Variants in WAPL observed in about 807,000 individuals in gnomAD.
The protein encoded by WAPL is WAPL cohesin release factor, also known as wings apart-like protein homolog.
A neutral mutation model predicts 121.0 loss-of-function variants in WAPL; 5 were observed. The observed-to-expected ratio is 0.04, with a 90% CI of 0.02 to 0.09. The LOEUF (loss-of-function observed/expected upper bound fraction) is 0.09, where lower values mean the gene tolerates loss of function less well. Ranked by LOEUF, WAPL falls within the 10% of genes least tolerant of loss-of-function variation. The pLI is 1.00. For synonymous variants in WAPL, 480 were observed against 481.5 expected, an observed-to-expected ratio of 1.00 and a Z score of 0.04; for missense variants, 999 against 1,410.8, an observed-to-expected ratio of 0.71 and a Z score of 4.68.
At chr10:86,448,870 C>T (rs1260292665) in intron 15 of WAPL, among the ~76,000 whole-genome samples, 2 of 152,220 alleles carry the variant, frequency 1.3e-5, no homozygotes, top group Admixed American at 6.5e-5. Flanking sequence ...CTGCCTCAGC[C>T]TCCCCAAGTG....
chr10:86,454,363 TC>T (rs1179219161), intron 12 of WAPL, among the ~76,000 whole-genome samples: 1 of 151,732 alleles, frequency 6.6e-6, no homozygotes, highest in Non-Finnish European at 1.5e-5. Flanking sequence ...ATTCTCGCTC[TC>T]CCTCTCCCTC....
intron 4 of WAPL, among the ~76,000 whole-genome samples, chr10:86,476,682 G>A (rs1841664006): frequency 7.8e-6 from 1 of 128,368 alleles, no homozygotes; most frequent in African/African-American, 2.8e-5. Flanking sequence ...AAGCGAGACT[G>A]TCTTTAAAAA....
At position 86,438,272 on chromosome 10, in the gene WAPL, A is replaced by G. The variant is rs566942062; in HGVS notation, c.3412-257T>C. Among the ~76,000 whole-genome samples the G allele has an allele frequency of 2.2e-4, 17 of 77,762 alleles. No individual in the cohort carries two copies. In the South Asian group the frequency reaches 6.2e-3, roughly 28 times the overall value. The allele number at this position is 77,762 out of a possible 152,430, so 51.0% of individuals were successfully genotyped here. ...CATTTACTTTTTTTTTTTTTTTTTTAAATGAAACAGTCACTCTGTTACCCA... is the reference window on the plus strand; with the variant it reads ...CATTTACTTTTTTTTTTTTTTTTTTGAATGAAACAGTCACTCTGTTACCCA... On this transcript the variant is annotated intron_variant, in intron 17 of 18. Coordinates refer to ENST00000298767, the MANE Select transcript of WAPL (RefSeq NM_015045.5).
chr10:86,495,943 C>T (rs1395041789), intron 4 of WAPL, among the ~76,000 whole-genome samples: 1 of 152,020 alleles, frequency 6.6e-6, no homozygotes, highest in South Asian at 2.1e-4. Context: ...GATGAAACCC[C>T]ATCTCTACTA....
intron 4 of WAPL, 52 bp from the exon 5 acceptor site, chr10:86,474,025 A>C: frequency 7.0e-7 from 1 of 1,426,848 alleles, no homozygotes; most frequent in Non-Finnish European, 9.9e-7. Context: ...AAAGACTCTC[A>C]ACTAAAAATC....
chr10:86,480,637 AGAC>A (rs1841761110), intron 4 of WAPL, among the ~76,000 whole-genome samples: 1 of 34,294 alleles, frequency 2.9e-5, no homozygotes, highest in East Asian at 3.2e-4. Context: ...AAATATCTTG[AGAC>A]AACACCACCT....
At chr10:86,438,622 ACTGGGGGCC>A (rs935998460) in intron 17 of WAPL, among the ~76,000 whole-genome samples, 1 of 152,240 alleles carries the variant, frequency 6.6e-6, no homozygotes, top group Non-Finnish European at 1.5e-5. Flanking sequence ...TGTGTGTTTC[ACTGGGGGCC>A]CTGGGGGAAT....
chr10:86,500,017 G>A lies in WAPL; in HGVS notation c.1226C>T (p.Thr409Ile). 1 of 1,614,080 alleles carries A rather than the reference G, an allele frequency of 6.2e-7. No individual in the cohort carries two copies. Among genetic ancestry groups the A allele is most frequent in the Non-Finnish European group, 8.5e-7 (1 of 1,180,000 alleles). Residue 409 changes from threonine to isoleucine, a missense_variant, in exon 3 of 19, where the codon ACT (threonine) becomes ATT (isoleucine). Around this residue, in one of 7 missense-constraint regions of WAPL, gnomAD observed 531 missense variants for 563.1 expected, o/e 0.94. Transcript: ENST00000298767. ...RKKADIATSK[T>I]TTRFRPSNTK... The stretch of plus-strand genomic sequence containing the variant: ...ATTACTAGGTCGAAATCTAGTAGTA[G>A]TCTTAGAAGTTGCAATATCTGCCTT...
At chr10:86,451,491 A>G (rs1041489565) in intron 15 of WAPL, among the ~76,000 whole-genome samples, 1 of 151,922 alleles carries the variant, frequency 6.6e-6, no homozygotes, top group African/African-American at 2.4e-5. Flanking sequence ...CCTCAGTTCA[A>G]GTGATTCTCC....
intron 1 of WAPL, among the ~76,000 whole-genome samples, chr10:86,520,128 T>G (rs771217006): frequency 3.9e-5 from 6 of 152,148 alleles, no homozygotes; most frequent in Non-Finnish European, 7.3e-5. Context: ...AAACCACGTT[T>G]CTACTAAAAA....
chr10:86,442,761 C>T (rs954459965), intron 17 of WAPL, among the ~76,000 whole-genome samples: 1 of 152,000 alleles, frequency 6.6e-6, no homozygotes, highest in Admixed American at 6.6e-5. Context: ...TGGAAATGGC[C>T]GGGCACGGTG....
At chr10:86,514,934 C>T (rs1037082850) in intron 2 of WAPL, among the ~76,000 whole-genome samples, 2 of 152,150 alleles carry the variant, frequency 1.3e-5, no homozygotes, top group African/African-American at 4.8e-5. Flanking sequence ...CTCCGGCCCA[C>T]CCACCCCACA....
intron 11 of WAPL, 40 bp from the exon 12 acceptor site, chr10:86,459,105 A>T (rs1465760083): frequency 5.3e-6 from 8 of 1,519,190 alleles, no homozygotes; most frequent in Non-Finnish European, 7.2e-6. Context: ...GCAATCCAAA[A>T]CTTTCATTCA....
intron 7 of WAPL, among the ~76,000 whole-genome samples, chr10:86,471,728 C>G (rs1034084288): frequency 2.6e-5 from 4 of 152,048 alleles, no homozygotes; most frequent in African/African-American, 9.7e-5. Context: ...AGCATGATCA[C>G]GGGCTCAAGC....
intron 4 of WAPL, among the ~76,000 whole-genome samples, chr10:86,483,285 A>T (rs1841836061): frequency 6.6e-6 from 1 of 152,004 alleles, no homozygotes; most frequent in Non-Finnish European, 1.5e-5. Flanking sequence ...CTGGGCGTGG[A>T]GGTGCATGCC....
At chr10:86,498,577 A>T (rs1842192028) in intron 3 of WAPL, among the ~76,000 whole-genome samples, 1 of 152,306 alleles carries the variant, frequency 6.6e-6, no homozygotes, top group East Asian at 1.9e-4. Flanking sequence ...CTGTAATTCT[A>T]ATTTACCATA....
intron 16 of WAPL, among the ~76,000 whole-genome samples, 200 bp downstream of exon 16, chr10:86,446,042 T>C (rs1197638256): frequency 6.6e-6 from 1 of 152,202 alleles, no homozygotes; most frequent in Non-Finnish European, 1.5e-5. Context: ...GTCACTAGCA[T>C]GCCTGCCACT....
chr10:86,462,329 AT>A (rs1462178156), intron 9 of WAPL, among the ~76,000 whole-genome samples: 1 of 152,232 alleles, frequency 6.6e-6, no homozygotes, highest in Non-Finnish European at 1.5e-5. Context: ...TAAATTAGAT[AT>A]TTAGAAATAC....
intron 4 of WAPL, among the ~76,000 whole-genome samples, chr10:86,489,884 T>TGAA (rs1229050557): frequency 8.6e-5 from 2 of 23,390 alleles, no homozygotes; most frequent in Non-Finnish European, 1.7e-4. Context: ...GGTTTTGCCT[T>TGAA]GAAAAAAAAA....
Sources: gnomAD v4.1 joint callset for allele counts (sites outside exome capture counted in the v4.1 genomes callset) on GRCh38, gnomAD v4.1.1 for gene constraint, gnomAD v4.1.1 regional missense constraint, MANE v1.5 for transcripts, NCBI Gene and HGNC (gene_info 2026-07-23, HGNC 2026-07-21) for gene names.